The following CCDC141 variants were observed in gnomAD, a reference collection of about 807,000 sequenced individuals.
The protein encoded by CCDC141 is coiled-coil domain containing 141.
CCDC141 carries 168 observed loss-of-function variants against 181.0 expected under a neutral mutation model. The observed-to-expected ratio is 0.93, with a 90% CI of 0.82 to 1.05. The LOEUF (loss-of-function observed/expected upper bound fraction) is 1.05. Among genes scored for constraint, CCDC141 ranks in the 50% least tolerant of loss-of-function variants. The pLI, the probability that CCDC141 is intolerant of heterozygous loss-of-function variation, is 0.00. For synonymous variants in CCDC141, 666 were observed against 642.3 expected (o/e 1.04, Z -0.56); for missense variants, 1,902 against 1,788.5 (o/e 1.06, Z -1.14).
chr2:178,989,586 C>A (rs1280587138), intron 2 of CCDC141, among the ~76,000 whole-genome samples: 1 of 133,864 alleles, frequency 7.5e-6, no homozygotes, highest in African/African-American at 2.9e-5. Context: ...AGAGCAAGAC[C>A]CTGCCTCAAA....
At chr2:178,933,091 G>A (rs890910632) in intron 6 of CCDC141, among the ~76,000 whole-genome samples, 2 of 152,052 alleles carry the variant, frequency 1.3e-5, no homozygotes, top group Non-Finnish European at 2.9e-5. Flanking sequence ...TCAATGACTT[G>A]GAAAATCGGA....
At chr2:178,997,994 C>T (rs1413470624) in intron 2 of CCDC141, among the ~76,000 whole-genome samples, 1 of 152,042 alleles carries the variant, frequency 6.6e-6, no homozygotes, top group African/African-American at 2.4e-5. Flanking sequence ...TCATCAAAAA[C>T]CATAAGGTAT....
intron 6 of CCDC141, among the ~76,000 whole-genome samples, chr2:178,940,978 G>A (rs559172322): frequency 3.3e-5 from 5 of 152,220 alleles, no homozygotes; most frequent in South Asian, 2.1e-4. Context: ...CCTACCTCTC[G>A]TTGCTTCAGG....
chr2:178,996,624 T>A (rs1248493367), intron 2 of CCDC141, among the ~76,000 whole-genome samples: 1 of 152,190 alleles, frequency 6.6e-6, no homozygotes, highest in Non-Finnish European at 1.5e-5. Context: ...CCTACTCAAA[T>A]GACACTTTAT....
chr2:178,947,044 C>CA (rs1558999437), intron 5 of CCDC141, among the ~76,000 whole-genome samples: 5 of 152,172 alleles, frequency 3.3e-5, no homozygotes, highest in African/African-American at 1.2e-4. Context: ...GGAGCAGACT[C>CA]TTCGATCAGA....
chr2:178,897,665 A>T (rs1212861718), intron 8 of CCDC141, among the ~76,000 whole-genome samples: 1 of 152,206 alleles, frequency 6.6e-6, no homozygotes, highest in Non-Finnish European at 1.5e-5. Context: ...TTAACTCTGA[A>T]GCAAGTTTAT....
chr2:178,891,391 TG>T (rs1472441355), intron 8 of CCDC141, among the ~76,000 whole-genome samples: 1 of 152,162 alleles, frequency 6.6e-6, no homozygotes, highest in Non-Finnish European at 1.5e-5. Context: ...GGCTGACATC[TG>T]ATCTCAGAGG....
At chr2:178,925,421 C>T (rs960609525) in intron 6 of CCDC141, among the ~76,000 whole-genome samples, 1 of 152,188 alleles carries the variant, frequency 6.6e-6, no homozygotes, top group African/African-American at 2.4e-5. Context: ...AATACTGAAG[C>T]AAATGGCTAT....
At chr2:178,881,595 G>A (rs6716304) in intron 11 of CCDC141, among the ~76,000 whole-genome samples, 61,691 of 151,774 alleles carry the variant, frequency 0.41, 14,675 homozygotes, top group East Asian at 0.7. Flanking sequence ...CAAGTGGAAG[G>A]GTTGAAACAG....
At chr2:178,984,728 C>T (rs1314238439) in intron 2 of CCDC141, among the ~76,000 whole-genome samples, 1 of 150,584 alleles carries the variant, frequency 6.6e-6, no homozygotes, top group Non-Finnish European at 1.5e-5. Flanking sequence ...AAGGCCATTA[C>T]ATAATGGTAA....
rs937431223 is a variant in CCDC141 at position 178,902,585 on chromosome 2, C to T, written c.1265+2744G>A. Among the ~76,000 whole-genome samples, 10 of 152,274 alleles carry T rather than the reference C, an allele frequency of 6.6e-5. 1 individual carries two copies. Among genetic ancestry groups the T allele is most frequent in the African/African-American group, 2.2e-4 (9 of 41,550 alleles). ...AAGCTGAAACTGGATCCCCTCCTTA[C>T]ACCTTATGCAAAAATTAATTCAAGA... On this transcript the variant is annotated intron_variant, in intron 8 of 23. Coordinates refer to ENST00000443758, the MANE Select transcript of CCDC141 (RefSeq NM_173648.4).
intron 8 of CCDC141, among the ~76,000 whole-genome samples, chr2:178,899,479 T>TA (rs956615186): frequency 2.6e-5 from 4 of 152,062 alleles, no homozygotes; most frequent in Admixed American, 6.6e-5. Flanking sequence ...TCATTCAATT[T>TA]AAAAAAACTC....
At position 179,015,761 on chromosome 2, in the gene CCDC141, A is replaced by ATATCATATATATCTCATATATG. The variant is rs1271531868; in HGVS notation, c.225+31501_225+31522dup. On this transcript the variant is annotated intron_variant, in intron 2 of 23. Transcript: ENST00000443758. ...TATATATCTTATATATATCTCATATATATCATATATATCTCATATATGTAT... is the reference window on the plus strand; with the variant it reads ...TATATATCTTATATATATCTCATATATATCATATATATCTCATATATGTATCATATATATCTCATATATGTAT... Among the ~76,000 whole-genome samples the ATATCATATATATCTCATATATG allele has an allele frequency of 6.4e-3, 860 of 134,956 alleles. 4 individuals carry two copies. The highest frequency in any genetic ancestry group is 0.011 in the Non-Finnish European group (694 of 62,120). 88.5% of individuals were successfully genotyped at this position (134,956 alleles called of 152,430 possible).
chr2:178,975,123 T>G lies in CCDC141; in HGVS notation c.460A>C (p.Thr154Pro), dbSNP rs1168330294. 3.3e-6 allele frequency: 5 copies of G among 1,520,798 alleles called. No homozygotes were observed. The South Asian group carries it at 6.2e-5, about 19-fold the overall frequency. The allele number at this position is 1,520,798 out of a possible 1,614,324, so 94.2% of individuals were successfully genotyped here. A position where few individuals can be genotyped will look rare whatever the true frequency, so the allele number is the denominator to read the frequency against. ...IDQAEDFLQN[T>P]HEFESAESLK... is the part of the protein sequence containing the mutation. The stretch of plus-strand genomic sequence containing the variant: ...GACTCAGCACTCTCAAACTCATGAG[T>G]ATTCTGGAGGAAATCTTCAGCTTGG... The change falls in exon 4 of 24, where the codon ACT (threonine) becomes CCT (proline). Residue 154 changes from threonine to proline, a missense_variant. By Grantham distance (38) the Thr-to-Pro change is conservative. Transcript: ENST00000443758.
At chr2:178,951,978 C>A (rs564030805) in intron 5 of CCDC141, among the ~76,000 whole-genome samples, 5 of 152,268 alleles carry the variant, frequency 3.3e-5, no homozygotes, top group Admixed American at 3.3e-4. Flanking sequence ...GAACAGTATA[C>A]AGGAATGGCC....
intron 5 of CCDC141, among the ~76,000 whole-genome samples, chr2:178,953,253 G>A (rs931076734): frequency 2.0e-5 from 3 of 152,116 alleles, no homozygotes; most frequent in East Asian, 1.9e-4. Context: ...TGGCTAACAT[G>A]GTGAAACTGC....
chr2:178,916,182 G>A (rs372498700), intron 7 of CCDC141, among the ~76,000 whole-genome samples: 10 of 152,186 alleles, frequency 6.6e-5, no homozygotes, highest in African/African-American at 2.2e-4. Flanking sequence ...AAGGCACAAC[G>A]AAGTGAATTT....
chr2:178,897,939 T>A (rs1687490113), intron 8 of CCDC141, among the ~76,000 whole-genome samples: 1 of 152,206 alleles, frequency 6.6e-6, no homozygotes, highest in Non-Finnish European at 1.5e-5. Context: ...ATCTTTGGTT[T>A]TTCTTTAGAC....
chr2:178,918,477 C>T (rs76509368), intron 7 of CCDC141, among the ~76,000 whole-genome samples: 2,308 of 152,216 alleles, frequency 0.015, 22 homozygotes, highest in Admixed American at 0.027. Context: ...AAAACCCTCA[C>T]GAGGTTTGTT....
Sources: allele counts gnomAD v4.1 joint callset (sites outside exome capture counted in the v4.1 genomes callset), GRCh38; gene constraint gnomAD v4.1.1; transcripts MANE v1.5; gene names NCBI Gene and HGNC (gene_info 2026-07-23, HGNC 2026-07-21).